MTA2: variants seen among roughly 807,000 people sequenced by gnomAD.
MTA2 encodes the protein metastasis associated 1 family member 2.
Under a neutral mutation model 87.1 loss-of-function variants are expected in MTA2, and 22 were observed. That is an observed-to-expected ratio of 0.25 (90% CI 0.18 to 0.36). The LOEUF (loss-of-function observed/expected upper bound fraction) is 0.36. MTA2 is among the 10% of genes least tolerant of loss of function. The probability of loss-of-function intolerance (pLI) is 1.00; values close to 1 mark genes in which losing one functional copy is unlikely to be tolerated. For missense variants in MTA2, 542 were observed against 853.2 expected, an observed-to-expected ratio of 0.64 and a Z score of 4.54; for synonymous variants, 314 against 310.1, an observed-to-expected ratio of 1.01 and a Z score of -0.13.
chr11:62,597,500 G>A (rs1942115491), intron 7 of MTA2, 85 bp from the exon 8 acceptor site: 15 of 1,516,642 alleles, frequency 9.9e-6, no homozygotes, highest in Middle Eastern at 1.7e-4. Flanking sequence ...GAGAAAGAAG[G>A]AAAACATCCA....
intron 1 of MTA2, 122 bp from the exon 2 acceptor site, chr11:62,600,811 G>A (rs1942176073): frequency 1.3e-6 from 1 of 779,104 alleles, no homozygotes; most frequent in Admixed American, 2.6e-5. Context: ...CAGGTAGAAA[G>A]GGCGCTGAGA....
At position 62,595,262 on chromosome 11, in the gene MTA2, A is replaced by C; in HGVS notation, c.1483+2T>G. On this transcript the variant is annotated splice_donor_variant, in intron 14 of 17. Transcript: ENST00000278823. LOFTEE classifies it high-confidence loss of function. The surrounding 1 kb of genome is among the most constrained non-coding windows in gnomAD (Gnocchi z 4.9). ...ACCAGTCCCACCACTCCCTGCCCTT[A>C]CACTCTGCTTTGATGGCATTGGCAT... The C allele has an allele frequency of 1.2e-6, 2 of 1,613,970 alleles. No individual in the cohort carries two copies. The highest frequency in any genetic ancestry group is 1.7e-6 in the Non-Finnish European group (2 of 1,179,852).
At chr11:62,599,059 T>C (rs1942139652) in intron 3 of MTA2, among the ~76,000 whole-genome samples, 1 of 152,216 alleles carries the variant, frequency 6.6e-6, no homozygotes, top group African/African-American at 2.4e-5. Context: ...GGAGACTCTT[T>C]GCTCTAAAAC....
intron 3 of MTA2, 144 bp downstream of exon 3, chr11:62,600,022 C>T: frequency 1.5e-6 from 1 of 666,710 alleles, no homozygotes; most frequent in Non-Finnish European, 2.6e-6. Context: ...CATGTAAAAA[C>T]AGGCCTCCCT....
chr11:62,595,592 T>C lies in MTA2; in HGVS notation c.1255-100A>G. 6.6e-7 allele frequency: 1 copy of C among 1,521,302 alleles called. No homozygotes were observed. The highest frequency in any genetic ancestry group is 9.0e-7 in the Non-Finnish European group (1 of 1,113,578). The allele number at this position is 1,521,302 out of a possible 1,614,324, so 94.2% of individuals were successfully genotyped here. A position where few individuals can be genotyped will look rare whatever the true frequency, so the allele number is the denominator to read the frequency against. ...GGGGACAATTTATTCCTGTCTAATC[T>C]CTTTACTGACCTCTTGGCCTATGTG... On this transcript the variant is annotated intron_variant, in intron 13 of 17. Coordinates refer to ENST00000278823, the MANE Select transcript of MTA2 (RefSeq NM_004739.4). The surrounding 1 kb of genome is among the most constrained non-coding windows in gnomAD (Gnocchi z 4.9).
chr11:62,595,451 T>C lies in MTA2; in HGVS notation c.1296A>G (p.Gln432=). ...CGCTGGTTGTGTAAGGAGAGAGACT[T>C]TGAGCTTCAGGTCTGGATAAATGAC... ...SRGHLSRPEA[Q]SLSPYTTSAN... Residue 432 remains glutamine (Q), a synonymous_variant, in exon 14 of 18, where the codon CAA becomes CAG. Transcript: ENST00000278823. The surrounding 1 kb of genome is among the most constrained non-coding windows in gnomAD (Gnocchi z 4.9). 6.2e-7 allele frequency: 1 copy of C among 1,614,216 alleles called. No individual in the cohort carries two copies. The highest frequency in any genetic ancestry group is 8.5e-7 in the Non-Finnish European group (1 of 1,180,038).
chr11:62,596,171 C>G, intron 11 of MTA2, 64 bp from the exon 12 acceptor site: 1 of 1,599,458 alleles, frequency 6.3e-7, no homozygotes, highest in Non-Finnish European at 8.6e-7. Flanking sequence ...GAATCAATTT[C>G]CACTCTCAGT....
Position 62,594,648 on chromosome 11 carries a change from G to C in MTA2, c.1574-14C>G. On this transcript the variant is annotated splice_polypyrimidine_tract_variant and intron_variant, in intron 15 of 17. Transcript: ENST00000278823. ...GTGCCTGGGCCACTGGAAAAAAACA[G>C]AAAACTTTCGCACCTTTTCTTCCCA... 1 of 1,608,800 alleles carries C rather than the reference G, an allele frequency of 6.2e-7. No individual in the cohort carries two copies. Among genetic ancestry groups the C allele is most frequent in the Non-Finnish European group, 8.5e-7 (1 of 1,176,166 alleles).
Position 62,598,608 on chromosome 11 carries a change from C to T in MTA2, c.222G>A (p.Gly74=). The change falls in exon 4 of 18, where the codon GGG becomes GGA. Residue 74 remains glycine (G), a synonymous_variant. Coordinates refer to ENST00000278823, the MANE Select transcript of MTA2 (RefSeq NM_004739.4). ...GTTGATGGCGCTGCTGCTCAGACACCCCTGGCTGCTTTGATTCCTCTTCAA... is the reference window on the plus strand; with the variant it reads ...GTTGATGGCGCTGCTGCTCAGACACTCCTGGCTGCTTTGATTCCTCTTCAA... ...REFEEESKQP[G]VSEQQRHQLK... 1 of 1,614,064 alleles carries T rather than the reference C, an allele frequency of 6.2e-7. No individual in the cohort carries two copies. Among genetic ancestry groups the T allele is most frequent in the Non-Finnish European group, 8.5e-7 (1 of 1,180,022 alleles).
At chr11:62,596,583 T>TG in intron 9 of MTA2, 51 bp from the exon 10 acceptor site, 2 of 1,612,472 alleles carry the variant, frequency 1.2e-6, no homozygotes, top group Non-Finnish European at 1.7e-6. Context: ...CCCCAGGTCC[T>TG]GGTTCCCTCA....
In MTA2 at chr11:62,596,339, T is replaced by C; in HGVS notation, c.958-2A>G. 1 of 1,614,070 alleles carries C rather than the reference T, an allele frequency of 6.2e-7. No homozygotes were observed. The highest frequency in any genetic ancestry group is 8.5e-7 in the Non-Finnish European group (1 of 1,180,008). On this transcript the variant is annotated splice_acceptor_variant, in intron 10 of 17. Transcript: ENST00000278823. LOFTEE classifies it high-confidence loss of function. ...TGCTTCAGCAGCTTTCAACCTTTTC[T>C]GTAAGAAGGTAAAAAGAAAGAGAAG...
Position 62,595,818 on chromosome 11 carries a change from G to C in MTA2, c.1188C>G (p.Ile396Met), listed in dbSNP as rs1219300008. The C allele has an allele frequency of 1.2e-6, 2 of 1,614,220 alleles. No individual in the cohort carries two copies. The highest frequency in any genetic ancestry group is 1.1e-5 in the South Asian group (1 of 91,086). ...MQCRLCASCW[I>M]YWKKYGGLKT... Reference sequence around the variant, plus strand: ...TCAGTCCCCCATACTTCTTCCAGTAGATCCAACAGGAAGCACAGAGGCGGC... The same window carrying C: ...TCAGTCCCCCATACTTCTTCCAGTACATCCAACAGGAAGCACAGAGGCGGC... Residue 396 changes from isoleucine to methionine, a missense_variant, in exon 13 of 18, where the codon ATC becomes ATG. By Grantham distance (10) the Ile-to-Met change is conservative (BLOSUM62 1). Transcript: ENST00000278823. This position sits in a 1 kb window ranked among gnomAD's most constrained non-coding sequence, Gnocchi z 4.9.
chr11:62,598,748 A>T (rs1348283288), intron 3 of MTA2, 109 bp from the exon 4 acceptor site: 2 of 1,023,320 alleles, frequency 2.0e-6, no homozygotes, highest in Non-Finnish European at 3.0e-6. Context: ...TTTTTTTCTC[A>T]CATTTCCCAG....
In MTA2 at chr11:62,593,753, CA is replaced by C. The variant is rs2134321645; in HGVS notation, c.*121del. 7.9e-7 allele frequency: 1 copy of C among 1,271,738 alleles called. No individual in the cohort carries two copies. Among genetic ancestry groups the C allele is most frequent in the East Asian group, 2.5e-5 (1 of 39,414 alleles). The allele number at this position is 1,271,738 out of a possible 1,614,324, so 78.8% of individuals were successfully genotyped here. ...GGCGCCCAACCCCTCCAGGGACACA[CA>C]CTCACTTGCTCTCTTCCTTAATTCA... On this transcript the variant is annotated 3_prime_UTR_variant, in exon 18 of 18. Transcript: ENST00000278823.
Position 62,596,467 on chromosome 11 carries a change from A to G in MTA2, c.948T>C (p.Tyr316=), listed in dbSNP as rs780708675. Residue 316 remains tyrosine (Y), a synonymous_variant, in exon 10 of 18, where the codon TAT becomes TAC. Transcript: ENST00000278823. ...FYYMWKTTDR[Y]IQQKRLKAAE... is the part of the protein sequence containing the mutation. The stretch of plus-strand genomic sequence containing the variant: ...CCAGCCCAGATAATACCTGCTGAAT[A>G]TACCGGTCTGTGGTTTTCCACATGT... The G allele has an allele frequency of 1.2e-6, 2 of 1,614,052 alleles. No homozygotes were observed. Among genetic ancestry groups the G allele is most frequent in the South Asian group, 2.2e-5 (2 of 91,058 alleles).
At chr11:62,598,257 GCTC>G (rs1231025761) in intron 5 of MTA2, 67 bp downstream of exon 5, 2 of 1,568,894 alleles carry the variant, frequency 1.3e-6, no homozygotes, top group Admixed American at 1.7e-5. Flanking sequence ...TCATCATTGT[GCTC>G]CTTTCCCCCT....
At chr11:62,594,848 A>G (rs1031722380) in intron 15 of MTA2, 133 bp downstream of exon 15, 3 of 952,398 alleles carry the variant, frequency 3.1e-6, no homozygotes, top group African/African-American at 1.6e-5. Flanking sequence ...AAAAATTATT[A>G]AACAACAAAA....
intron 1 of MTA2, chr11:62,601,075 G>A: frequency 2.0e-6 from 1 of 503,838 alleles, no homozygotes; most frequent in Non-Finnish European, 3.5e-6. Context: ...CCTCCGGGCG[G>A]CTCCCCCGCG....
In MTA2 at chr11:62,598,144, G is replaced by A. The variant is rs1397346201; in HGVS notation, c.373-3C>T. 3.1e-6 allele frequency: 5 copies of A among 1,613,684 alleles called. No individual in the cohort carries two copies. The East Asian group carries it at 1.1e-4, about 36-fold the overall frequency. On this transcript the variant is annotated splice_polypyrimidine_tract_variant and splice_region_variant and intron_variant, in intron 5 of 17. Coordinates refer to ENST00000278823, the MANE Select transcript of MTA2 (RefSeq NM_004739.4). ...ACCAGTGAGTAAAAAAAGCAGTCCT[G>A]GAATTGGGGAGAGACAAGGTAAGCA...
Sources: gnomAD v4.1 joint callset for allele counts (sites outside exome capture counted in the v4.1 genomes callset) on GRCh38, gnomAD v4.1.1 for gene constraint, Gnocchi (gnomAD v3.1) non-coding constraint, MANE v1.5 for transcripts, NCBI Gene and HGNC (gene_info 2026-07-23, HGNC 2026-07-21) for gene names.